Variants in RNGTT observed in about 807,000 individuals in gnomAD.
RNGTT encodes the protein RNA guanylyltransferase and 5'-phosphatase, also known as mRNA-capping enzyme.
Under a neutral mutation model 79.3 loss-of-function variants are expected in RNGTT, and 33 were observed. The observed-to-expected ratio is 0.42, with a 90% CI of 0.32 to 0.56. The LOEUF (loss-of-function observed/expected upper bound fraction) is 0.56, where lower values mean the gene tolerates loss of function less well. Ranked by LOEUF, RNGTT falls within the 20% of genes least tolerant of loss-of-function variation. RNGTT has a pLI of 0.17. For synonymous variants in RNGTT, 222 were observed against 235.9 expected (o/e 0.94, Z 0.54); for missense variants, 497 against 739.1 (o/e 0.67, Z 3.80).
intron 6 of RNGTT, among the ~76,000 whole-genome samples, chr6:88,899,261 G>A (rs62429026): frequency 0.013 from 1,935 of 150,974 alleles, 18 homozygotes; most frequent in Non-Finnish European, 0.019. Context: ...AGAGAAAGAA[G>A]GTTTCGGCTT....
At chr6:88,786,004 A>C (rs1325518683) in intron 12 of RNGTT, among the ~76,000 whole-genome samples, 4 of 152,182 alleles carry the variant, frequency 2.6e-5, no homozygotes, top group Non-Finnish European at 4.4e-5. Context: ...CTTGAAAGTA[A>C]ATAACTCTAG....
intron 13 of RNGTT, among the ~76,000 whole-genome samples, chr6:88,729,115 C>G (rs1777021453): frequency 6.6e-6 from 1 of 152,188 alleles, no homozygotes; most frequent in Admixed American, 6.5e-5. Flanking sequence ...CGGGTCAGCC[C>G]TGAGGGCCAT....
intron 14 of RNGTT, among the ~76,000 whole-genome samples, chr6:88,645,293 C>T (rs1472704116): frequency 1.3e-5 from 2 of 152,138 alleles, no homozygotes; most frequent in Non-Finnish European, 2.9e-5. Context: ...ATCCAACTTA[C>T]AAGGGATGTG....
At chr6:88,799,027 T>C (rs1779693373) in intron 12 of RNGTT, among the ~76,000 whole-genome samples, 1 of 152,214 alleles carries the variant, frequency 6.6e-6, no homozygotes. Flanking sequence ...AAATCAATAA[T>C]GTGGCAGTGT....
intron 14 of RNGTT, among the ~76,000 whole-genome samples, chr6:88,641,266 G>C (rs1773307457): frequency 2.0e-5 from 3 of 151,506 alleles, no homozygotes; most frequent in African/African-American, 7.3e-5. Flanking sequence ...TTGAACCCAT[G>C]AGGCGGAGGT....
At chr6:88,699,695 T>G (rs1350597672) in intron 13 of RNGTT, among the ~76,000 whole-genome samples, 2 of 152,128 alleles carry the variant, frequency 1.3e-5, no homozygotes, top group African/African-American at 4.8e-5. Context: ...CAATGGATTT[T>G]TTTAACGTGG....
At chr6:88,689,519 A>G (rs1439733377) in intron 13 of RNGTT, among the ~76,000 whole-genome samples, 2 of 151,394 alleles carry the variant, frequency 1.3e-5, no homozygotes, top group African/African-American at 4.9e-5. Flanking sequence ...ACTTGAACCC[A>G]GGAGGCGGAG....
intron 12 of RNGTT, among the ~76,000 whole-genome samples, chr6:88,791,020 G>A (rs546806462): frequency 6.6e-6 from 1 of 152,152 alleles, no homozygotes; most frequent in Non-Finnish European, 1.5e-5. Context: ...AGAGATATCA[G>A]GAATGCGTTA....
chr6:88,887,047 TAAAAAAAAAA>T (rs754717516), intron 8 of RNGTT, among the ~76,000 whole-genome samples: 1 of 83,458 alleles, frequency 1.2e-5, no homozygotes, highest in Non-Finnish European at 2.4e-5. Context: ...ACAATTTCTT[TAAAAAAAAAA>T]AAAAAAAAAA....
At chr6:88,769,524 G>A (rs1429919266) in intron 13 of RNGTT, among the ~76,000 whole-genome samples, 3 of 151,942 alleles carry the variant, frequency 2.0e-5, no homozygotes, top group Non-Finnish European at 4.4e-5. Flanking sequence ...TTATATTAAT[G>A]AAAATGATTT....
At chr6:88,690,866 T>C (rs1370486879) in intron 13 of RNGTT, among the ~76,000 whole-genome samples, 2 of 152,272 alleles carry the variant, frequency 1.3e-5, no homozygotes, top group African/African-American at 4.8e-5. Context: ...TGTGAATACA[T>C]GTGTCCTAAA....
intron 13 of RNGTT, among the ~76,000 whole-genome samples, chr6:88,718,226 A>C (rs1776587744): frequency 6.6e-6 from 1 of 152,034 alleles, no homozygotes; most frequent in South Asian, 2.1e-4. Flanking sequence ...ATCTCTACTA[A>C]AAACACAAAA....
intron 13 of RNGTT, among the ~76,000 whole-genome samples, chr6:88,754,698 G>T (rs918946161): frequency 6.6e-6 from 1 of 152,184 alleles, no homozygotes; most frequent in Non-Finnish European, 1.5e-5. Flanking sequence ...CTGGAATGAG[G>T]TCAAGGAACA....
At chr6:88,671,863 G>T (rs1311619966) in intron 14 of RNGTT, among the ~76,000 whole-genome samples, 1 of 152,022 alleles carries the variant, frequency 6.6e-6, no homozygotes, top group Non-Finnish European at 1.5e-5. Context: ...AAAGTGCTGA[G>T]ATTCACCTAA....
intron 8 of RNGTT, among the ~76,000 whole-genome samples, chr6:88,885,093 T>C (rs1191831391): frequency 6.6e-6 from 1 of 151,848 alleles, no homozygotes; most frequent in East Asian, 1.9e-4. Flanking sequence ...CTGAAATAGA[T>C]ATAGGTGTGT....
At chr6:88,692,438 CA>C (rs1431394145) in intron 13 of RNGTT, among the ~76,000 whole-genome samples, 2 of 148,760 alleles carry the variant, frequency 1.3e-5, no homozygotes, top group Non-Finnish European at 3.0e-5. Context: ...AGTCATACAA[CA>C]AAATAATACT....
intron 1 of RNGTT, among the ~76,000 whole-genome samples, chr6:88,962,833 A>G (rs1411673752): frequency 3.9e-5 from 6 of 152,242 alleles, no homozygotes; most frequent in African/African-American, 1.4e-4. Context: ...TGGGAGGCTG[A>G]GGTGGGAGGA....
At chr6:88,911,127 C>T (rs1443192300) in intron 4 of RNGTT, among the ~76,000 whole-genome samples, 3 of 152,074 alleles carry the variant, frequency 2.0e-5, no homozygotes, top group East Asian at 1.9e-4. Context: ...AAAAATCTCA[C>T]GTATCATTAA....
chr6:88,822,814 T>A (rs1365019970), intron 11 of RNGTT, among the ~76,000 whole-genome samples: 1 of 152,192 alleles, frequency 6.6e-6, no homozygotes, highest in African/African-American at 2.4e-5. Flanking sequence ...AATACAGTGA[T>A]TTAATTTTTG....
Sources: gnomAD v4.1 joint callset for allele counts (sites outside exome capture counted in the v4.1 genomes callset) on GRCh38, gnomAD v4.1.1 for gene constraint, MANE v1.5 for transcripts, NCBI Gene and HGNC (gene_info 2026-07-23, HGNC 2026-07-21) for gene names.